Variants in DENND4C observed in about 807,000 individuals in gnomAD.
DENND4C encodes the protein DENN domain containing 4C.
In DENND4C, 108 loss-of-function variants were observed where a neutral mutation model predicts 203.0. The observed-to-expected ratio is 0.53, with a 90% confidence interval of 0.46 to 0.62. The LOEUF is 0.62. Ranked by LOEUF, DENND4C falls within the 20% of genes least tolerant of loss-of-function variation. The pLI is 0.00. For synonymous variants in DENND4C, 871 were observed against 792.4 expected, an observed-to-expected ratio of 1.10 and a Z score of -1.67; for missense variants, 2,481 against 2,301.2, an observed-to-expected ratio of 1.08 and a Z score of -1.60.
At chr9:19,313,362 A>G (rs1004183045) in intron 10 of DENND4C, among the ~76,000 whole-genome samples, 15 of 152,324 alleles carry the variant, frequency 9.8e-5, no homozygotes, top group African/African-American at 3.1e-4. Context: ...AGCCCTGTAT[A>G]TTAGGTACAT....
intron 30 of DENND4C, among the ~76,000 whole-genome samples, chr9:19,367,015 C>T (rs1375480509): frequency 6.6e-6 from 1 of 152,082 alleles, no homozygotes; most frequent in Non-Finnish European, 1.5e-5. Context: ...AAAAGGCAAC[C>T]CATTTTTAAA....
chr9:19,246,005 C>G (rs1194737970), intron 1 of DENND4C, among the ~76,000 whole-genome samples: 1 of 152,000 alleles, frequency 6.6e-6, no homozygotes, highest in East Asian at 1.9e-4. Flanking sequence ...TTCTTGGATT[C>G]CATCAAGACC....
chr9:19,262,073 G>GTT (rs1564096927), intron 1 of DENND4C, among the ~76,000 whole-genome samples: 12 of 73,936 alleles, frequency 1.6e-4, no homozygotes, highest in African/African-American at 4.9e-4. Context: ...GAATTTATTA[G>GTT]TTCTTTTTTT....
At chr9:19,343,025 C>T (rs1318729726) in intron 22 of DENND4C, among the ~76,000 whole-genome samples, 1 of 151,840 alleles carries the variant, frequency 6.6e-6, no homozygotes, top group Non-Finnish European at 1.5e-5. Context: ...GGTGCCTGTC[C>T]ACCGTTTGGC....
At chr9:19,259,257 C>T (rs1055428148) in intron 1 of DENND4C, among the ~76,000 whole-genome samples, 1 of 151,946 alleles carries the variant, frequency 6.6e-6, no homozygotes, top group African/African-American at 2.4e-5. Flanking sequence ...TCCCCACTGC[C>T]CTTTGCAGCG....
chr9:19,357,357 A>G, intron 27 of DENND4C: 1 of 507,506 alleles, frequency 2.0e-6, no homozygotes, highest in East Asian at 3.2e-5. Context: ...AATATTTTAC[A>G]GTTGTCTTTT....
intron 6 of DENND4C, among the ~76,000 whole-genome samples, chr9:19,296,672 A>G (rs1837540402): frequency 6.6e-6 from 1 of 152,172 alleles, no homozygotes; most frequent in Non-Finnish European, 1.5e-5. Context: ...TCTTCGCCTG[A>G]ATCATTGACT....
intron 1 of DENND4C, among the ~76,000 whole-genome samples, chr9:19,263,063 T>C (rs1829747329): frequency 6.6e-6 from 1 of 152,212 alleles, no homozygotes; most frequent in Admixed American, 6.5e-5. Context: ...GAAAACAGTC[T>C]GTTATGGGTC....
At chr9:19,301,077 C>G (rs1047386629) in intron 9 of DENND4C, among the ~76,000 whole-genome samples, 1 of 151,846 alleles carries the variant, frequency 6.6e-6, no homozygotes, top group African/African-American at 2.4e-5. Flanking sequence ...ACTCAGGAGG[C>G]TGAGGCAGGA....
intron 1 of DENND4C, among the ~76,000 whole-genome samples, chr9:19,275,082 A>T (rs568821574): frequency 2.0e-5 from 3 of 151,512 alleles, no homozygotes; most frequent in African/African-American, 4.9e-5. Context: ...GGTTCAAGCG[A>T]TTCTCCTGCC....
intron 1 of DENND4C, among the ~76,000 whole-genome samples, chr9:19,264,359 T>G (rs1467686976): frequency 6.6e-6 from 1 of 151,962 alleles, no homozygotes; most frequent in Non-Finnish European, 1.5e-5. Context: ...GAGTGCAGAA[T>G]GCAGTGGCGC....
At chr9:19,349,226 G>A (rs1823558038) in intron 23 of DENND4C, among the ~76,000 whole-genome samples, 2 of 152,052 alleles carry the variant, frequency 1.3e-5, no homozygotes, top group Non-Finnish European at 2.9e-5. Context: ...GGGCAACATG[G>A]TGAAACCCCA....
intron 26 of DENND4C, among the ~76,000 whole-genome samples, chr9:19,353,473 A>T (rs558530872): frequency 6.6e-6 from 1 of 152,038 alleles, no homozygotes; most frequent in East Asian, 1.9e-4. Flanking sequence ...ACTAAAATAC[A>T]AAAGATTAGC....
chr9:19,245,717 G>C (rs148799019), intron 1 of DENND4C, among the ~76,000 whole-genome samples: 2 of 151,986 alleles, frequency 1.3e-5, no homozygotes, highest in Non-Finnish European at 2.9e-5. Context: ...CTAGCCAGGC[G>C]TGGTGGCATG....
intron 1 of DENND4C, among the ~76,000 whole-genome samples, chr9:19,264,382 C>T (rs967505872): frequency 3.3e-5 from 5 of 152,048 alleles, no homozygotes; most frequent in Admixed American, 2.0e-4. Context: ...TTTCGGCTCA[C>T]TACAACCTCC....
In DENND4C at chr9:19,324,513, A is replaced by G; in HGVS notation, c.1953+6A>G. 4 of 1,598,874 alleles carry G rather than the reference A, an allele frequency of 2.5e-6. No individual in the cohort carries two copies. Among genetic ancestry groups the G allele is most frequent in the Non-Finnish European group, 2.5e-6 (3 of 1,176,770 alleles). On this transcript the variant is annotated splice_donor_region_variant and intron_variant, in intron 13 of 32. Coordinates refer to ENST00000434457, the MANE Select transcript of DENND4C (RefSeq NM_001330640.2). ...TTGATGACTGCATAGAAAAGGTAAA[A>G]GTTTGTACTTATACTAGTGTTTAGA... is the stretch of plus-strand genomic sequence containing the variant.
At chr9:19,336,188 C>T (rs1398111793) in intron 18 of DENND4C, 82 bp from the exon 19 acceptor site, 60 of 1,073,324 alleles carry the variant, frequency 5.6e-5, no homozygotes, top group Middle Eastern at 3.0e-4. Context: ...TATATATAAA[C>T]ATACACACAC....
chr9:19,322,605 G>A (rs1843063053), intron 12 of DENND4C, among the ~76,000 whole-genome samples: 1 of 151,760 alleles, frequency 6.6e-6, no homozygotes, highest in South Asian at 2.1e-4. Flanking sequence ...GCGTGGTGGC[G>A]GGCGCCTGTA....
Position 19,346,352 on chromosome 9 carries a change from G to C in DENND4C, c.3583G>C (p.Val1195Leu). Residue 1195 changes from valine (V) to leucine (L), a missense_variant, in exon 23 of 33, where the codon GTA becomes CTA. Around this residue, in one of 3 missense-constraint regions of DENND4C, gnomAD observed 2,289 missense variants for 2,113.3 expected, o/e 1.08. Coordinates refer to ENST00000434457, the MANE Select transcript of DENND4C (RefSeq NM_001330640.2). The part of the protein sequence containing the change: ...QELLEPVVDD[V>L]PKTTATVDTY... ...ACTCCTTGAGCCTGTGGTTGATGAC[G>C]TACCTAAAACTACTGCAACAGTAGA... The C allele has an allele frequency of 6.2e-7, 1 of 1,614,144 alleles. No homozygotes were observed. Among genetic ancestry groups the C allele is most frequent in the South Asian group, 1.1e-5 (1 of 91,074 alleles).
Sources: gnomAD v4.1 joint callset for allele counts (sites outside exome capture counted in the v4.1 genomes callset) on GRCh38, gnomAD v4.1.1 for gene constraint, gnomAD v4.1.1 regional missense constraint, MANE v1.5 for transcripts, NCBI Gene and HGNC (gene_info 2026-07-23, HGNC 2026-07-21) for gene names.